Variants in NIPSNAP3B observed in about 807,000 individuals in gnomAD.
NIPSNAP3B encodes protein NipSnap homolog 3B.
In NIPSNAP3B, 30 loss-of-function variants were observed where a neutral mutation model predicts 31.5. The ratio of observed to expected loss-of-function variants is 0.95; its 90% CI spans 0.71 to 1.29. NIPSNAP3B has a LOEUF of 1.29. NIPSNAP3B is among the 50% of genes most tolerant of loss of function. NIPSNAP3B has a pLI of 0.00. For synonymous variants in NIPSNAP3B, 106 were observed against 107.9 expected (o/e 0.98, Z 0.11); for missense variants, 269 against 300.7 (o/e 0.89, Z 0.78).
the NIPSNAP3B span, chr9:104,783,111 T>A: frequency 5.9e-5 from 9 of 152,284 alleles, no homozygotes; most frequent in Non-Finnish European, 1.2e-4. Flanking sequence ...ATCCTGACCA[T>A]CACATTGCTT....
At position 104,764,269 on chromosome 9, in the gene NIPSNAP3B, A is replaced by G. The variant is rs1828041216; in HGVS notation, c.29A>G (p.Lys10Arg). ...CTCGTTCTCAGAAGCGGCCTGACCAAGGCGCTTGCCTCACGGACGCTCGCG... is the reference window on the plus strand; with the variant it reads ...CTCGTTCTCAGAAGCGGCCTGACCAGGGCGCTTGCCTCACGGACGCTCGCG... MLVLRSGLTKALASRTLAPQ... is the reference protein window; with the variant it reads MLVLRSGLTRALASRTLAPQ... The change falls in exon 1 of 6, where the codon AAG becomes AGG. Residue 10 changes from lysine to arginine, a missense_variant. Coordinates refer to ENST00000374762, the MANE Select transcript of NIPSNAP3B (RefSeq NM_018376.4). 4.4e-6 allele frequency: 7 copies of G among 1,598,936 alleles called. No individual in the cohort carries two copies. Among genetic ancestry groups the G allele is most frequent in the Non-Finnish European group, 6.0e-6 (7 of 1,174,804 alleles).
the NIPSNAP3B span, among the ~76,000 whole-genome samples, chr9:104,789,280 C>A: frequency 1.3e-5 from 2 of 152,188 alleles, no homozygotes; most frequent in Non-Finnish European, 2.9e-5. Context: ...TACAACCAGT[C>A]CCTGTGACAA....
chr9:104,784,680 T>C, the NIPSNAP3B span, among the ~76,000 whole-genome samples: 1 of 152,216 alleles, frequency 6.6e-6, no homozygotes, highest in Non-Finnish European at 1.5e-5. Context: ...GGTCTTGCTC[T>C]GTCCCCAGGC....
chr9:104,770,553 A>G (rs911636592), intron 3 of NIPSNAP3B, among the ~76,000 whole-genome samples: 5 of 152,214 alleles, frequency 3.3e-5, no homozygotes, highest in Non-Finnish European at 5.9e-5. Flanking sequence ...TGTTTTCCTG[A>G]CAAATTTTAT....
chr9:104,779,844 C>T (rs751806507), downstream of NIPSNAP3B, among the ~76,000 whole-genome samples: 40 of 151,910 alleles, frequency 2.6e-4, no homozygotes, highest in Non-Finnish European at 4.4e-4. Context: ...GCCTGGCCAA[C>T]GTATAGTGAA....
Position 104,772,900 on chromosome 9 carries a change from T to C in NIPSNAP3B, c.659T>C (p.Val220Ala). 1.9e-5 allele frequency: 30 copies of C among 1,613,594 alleles called. No individual in the cohort carries two copies. Among genetic ancestry groups the C allele is most frequent in the Non-Finnish European group, 2.5e-5 (30 of 1,179,804 alleles). The change falls in exon 5 of 6, where the codon GTG becomes GCG. Residue 220 changes from valine (V) to alanine (A), a missense_variant. Val to Ala is a moderately conservative substitution (Grantham distance 64, BLOSUM62 0). Transcript: ENST00000374762. ...AAGTCCCATGAGGATCCCAGAGTTG[T>C]GGCGGCTGGTAAGCTGTTTCACTAA... ...RHKSHEDPRV[V>A]AAVRESVNYL...
the NIPSNAP3B span, chr9:104,785,699 T>C: frequency 6.2e-7 from 1 of 1,605,930 alleles, no homozygotes; most frequent in Non-Finnish European, 8.5e-7. Context: ...AAAAGAATAC[T>C]GAACCCTGGG....
downstream of NIPSNAP3B, chr9:104,781,947 A>G (rs901751584): frequency 5.3e-5 from 8 of 152,206 alleles, no homozygotes; most frequent in African/African-American, 1.7e-4. Flanking sequence ...ATGAAGATGT[A>G]TAACTATAGA....
chr9:104,764,141 C>A lies in NIPSNAP3B; in HGVS notation c.-100C>A. 1 of 1,146,092 alleles carries A rather than the reference C, an allele frequency of 8.7e-7. No homozygotes were observed. The highest frequency in any genetic ancestry group is 1.3e-6 in the Non-Finnish European group (1 of 797,126). The allele number at this position is 1,146,092 out of a possible 1,614,324, so 71.0% of individuals were successfully genotyped here. A position where few individuals can be genotyped will look rare whatever the true frequency, so the allele number is the denominator to read the frequency against. ...GCCGAGTCCCGCCCCTGCCTGAGTT[C>A]GCCAGTGGTCCAGGAGCCGCTTTTT... On this transcript the variant is annotated 5_prime_UTR_variant, in exon 1 of 6. Transcript: ENST00000374762.
chr9:104,766,612 T>C, intron 2 of NIPSNAP3B, 77 bp downstream of exon 2: 1 of 1,380,122 alleles, frequency 7.2e-7, no homozygotes, highest in South Asian at 1.2e-5. Context: ...AGTTCTTGGA[T>C]CTATATTACC....
At chr9:104,767,322 C>T (rs753895590) in intron 2 of NIPSNAP3B, among the ~76,000 whole-genome samples, 1 of 152,052 alleles carries the variant, frequency 6.6e-6, no homozygotes, top group Non-Finnish European at 1.5e-5. Context: ...AGAGACAGTC[C>T]TTCCCATATT....
intron 2 of NIPSNAP3B, 43 bp from the exon 3 acceptor site, chr9:104,768,820 T>A (rs773701946): frequency 5.1e-6 from 8 of 1,559,160 alleles, no homozygotes; most frequent in Non-Finnish European, 7.0e-6. Context: ...ATATGGGCGA[T>A]TTTAAATAAA....
At position 104,770,950 on chromosome 9, in the gene NIPSNAP3B, A is replaced by G. The variant is rs1235321115; in HGVS notation, c.532A>G (p.Thr178Ala). 4 of 1,614,016 alleles carry G rather than the reference A, an allele frequency of 2.5e-6. No individual in the cohort carries two copies. The highest frequency in any genetic ancestry group is 3.4e-6 in the Non-Finnish European group (4 of 1,179,872). Residue 178 changes from threonine to alanine, a missense_variant, in exon 4 of 6, where the codon ACA becomes GCA. By Grantham distance (58) the Thr-to-Ala change is moderately conservative. Coordinates refer to ENST00000374762, the MANE Select transcript of NIPSNAP3B (RefSeq NM_018376.4). ...TAATGCCCATGTCAATTTAGGCTAC[A>G]CAAAAGTAGTTGGTGTTTTCCACAC... The part of the protein sequence containing the change: ...AINAHVNLGY[T>A]KVVGVFHTEY...
At chr9:104,772,789 A>G in intron 4 of NIPSNAP3B, 33 bp from the exon 5 acceptor site, 1 of 1,597,666 alleles carries the variant, frequency 6.3e-7, no homozygotes, top group East Asian at 2.2e-5. Flanking sequence ...ATTGCCATAT[A>G]TTTCAGAAAC....
At chr9:104,785,566 A>G in the NIPSNAP3B span, 1 of 1,614,208 alleles carries the variant, frequency 6.2e-7, no homozygotes. Flanking sequence ...GCAAGTCCAA[A>G]GAAATCCTGG....
Position 104,764,193 on chromosome 9 carries a change from C to T in NIPSNAP3B, c.-48C>T. The T allele has an allele frequency of 6.4e-7, 1 of 1,556,032 alleles. No homozygotes were observed. Among genetic ancestry groups the T allele is most frequent in the Non-Finnish European group, 8.7e-7 (1 of 1,144,964 alleles). On this transcript the variant is annotated 5_prime_UTR_variant, in exon 1 of 6. Transcript: ENST00000374762. ...CCACTCGGGAAGACTTCAGAGAAGTCTCACAAAGGACTCGGCTGGCTGCTT... is the reference window on the plus strand; with the variant it reads ...CCACTCGGGAAGACTTCAGAGAAGTTTCACAAAGGACTCGGCTGGCTGCTT...
At chr9:104,771,232 A>G (rs1828211020) in intron 4 of NIPSNAP3B, 2 of 388,118 alleles carry the variant, frequency 5.2e-6, no homozygotes, top group Admixed American at 8.1e-5. Flanking sequence ...CTTTTATTTT[A>G]GGTTCACGGG....
chr9:104,786,448 C>T, the NIPSNAP3B span: 1 of 1,447,810 alleles, frequency 6.9e-7, no homozygotes, highest in Non-Finnish European at 9.7e-7. Flanking sequence ...ACCATGAGAA[C>T]ATCACCATGA....
chr9:104,786,915 C>A, the NIPSNAP3B span: 1 of 1,614,028 alleles, frequency 6.2e-7, no homozygotes, highest in Admixed American at 1.7e-5. Flanking sequence ...CTTGACAACA[C>A]TTAGGGCACA....
Sources: gnomAD v4.1 joint callset for allele counts (sites outside exome capture counted in the v4.1 genomes callset) on GRCh38, gnomAD v4.1.1 for gene constraint, MANE v1.5 for transcripts, NCBI Gene and HGNC (gene_info 2026-07-23, HGNC 2026-07-21) for gene names.